NELL2: variants seen among roughly 807,000 people sequenced by gnomAD.
NELL2 encodes neural EGFL like 2.
A neutral mutation model predicts 109.6 loss-of-function variants in NELL2; 41 were observed. That is an observed-to-expected ratio of 0.37 (90% CI 0.29 to 0.49). The LOEUF is 0.49. Among genes scored for constraint, NELL2 ranks in the 20% least tolerant of loss-of-function variants. The pLI, the probability that NELL2 is intolerant of heterozygous loss-of-function variation, is 0.98. For synonymous variants in NELL2, 355 were observed against 344.7 expected (o/e 1.03, Z -0.33); for missense variants, 900 against 1,008.3 (o/e 0.89, Z 1.45).
At chr12:44,747,304 T>TG (rs1940423854) in intron 9 of NELL2, among the ~76,000 whole-genome samples, 1 of 139,932 alleles carries the variant, frequency 7.1e-6, no homozygotes, top group Non-Finnish European at 1.5e-5. Flanking sequence ...TGTTGTAAGG[T>TG]GGGGGAAGGG....
At chr12:44,766,517 A>G (rs972781415) in intron 9 of NELL2, among the ~76,000 whole-genome samples, 1 of 152,202 alleles carries the variant, frequency 6.6e-6, no homozygotes, top group Non-Finnish European at 1.5e-5. Flanking sequence ...GCAATTTTGT[A>G]TTATCTCAAT....
intron 15 of NELL2, among the ~76,000 whole-genome samples, chr12:44,555,592 C>T (rs764970564): frequency 6.6e-6 from 1 of 152,274 alleles, no homozygotes; most frequent in South Asian, 2.1e-4. Flanking sequence ...ACACTGGAGT[C>T]TCAGAATTGA....
intron 9 of NELL2, among the ~76,000 whole-genome samples, chr12:44,763,070 T>A (rs1311193847): frequency 6.6e-6 from 1 of 152,220 alleles, no homozygotes; most frequent in Non-Finnish European, 1.5e-5. Flanking sequence ...CCATTTCATA[T>A]TCTACTGATT....
At chr12:44,848,839 G>A (rs1477847513) in intron 2 of NELL2, among the ~76,000 whole-genome samples, 2 of 152,146 alleles carry the variant, frequency 1.3e-5, no homozygotes, top group Admixed American at 6.6e-5. Context: ...AGGGTCACAA[G>A]CCAGTAACCC....
At chr12:44,811,293 G>T in intron 3 of NELL2, among the ~76,000 whole-genome samples, 1 of 122,176 alleles carries the variant, frequency 8.2e-6, no homozygotes, top group Admixed American at 1.0e-4. Context: ...GTATACCTAT[G>T]TAACAAACCT....
At chr12:44,531,279 C>T (rs1942041496) in intron 16 of NELL2, among the ~76,000 whole-genome samples, 1 of 152,110 alleles carries the variant, frequency 6.6e-6, no homozygotes, top group South Asian at 2.1e-4. Context: ...TCTTTATGTG[C>T]ATAAATTTTT....
At chr12:44,585,484 C>T (rs1944460379) in intron 15 of NELL2, among the ~76,000 whole-genome samples, 1 of 151,912 alleles carries the variant, frequency 6.6e-6, no homozygotes, top group South Asian at 2.1e-4. Flanking sequence ...GGCCTGTAAT[C>T]CCAGCTACTC....
At chr12:44,756,506 C>T (rs1698903148) in intron 9 of NELL2, among the ~76,000 whole-genome samples, 2 of 152,082 alleles carry the variant, frequency 1.3e-5, no homozygotes, top group South Asian at 4.1e-4. Context: ...ATCACCCCTT[C>T]TCCCACCCAC....
intron 15 of NELL2, among the ~76,000 whole-genome samples, chr12:44,571,897 T>C (rs1943883990): frequency 6.6e-6 from 1 of 152,150 alleles, no homozygotes; most frequent in Non-Finnish European, 1.5e-5. Context: ...ACCATAAGAA[T>C]TTTATACTCA....
At position 44,805,437 on chromosome 12, in the gene NELL2, A is replaced by G. The variant is rs1280204467; in HGVS notation, c.335+10549T>C. Among the ~76,000 whole-genome samples, 3 of 151,924 alleles carry G rather than the reference A, an allele frequency of 2.0e-5. No individual in the cohort carries two copies. In the East Asian group the frequency reaches 5.8e-4, roughly 29 times the overall value. On this transcript the variant is annotated intron_variant, in intron 3 of 19. Coordinates refer to ENST00000429094, the MANE Select transcript of NELL2 (RefSeq NM_001145108.2). ...AAAACAGGGCCCAGAAACCGACCTC[A>G]GCATTGATGGAGATTTGAGGTGACA...
chr12:44,811,500 G>A (rs1405270350), intron 3 of NELL2, among the ~76,000 whole-genome samples: 1 of 151,958 alleles, frequency 6.6e-6, no homozygotes, highest in Non-Finnish European at 1.5e-5. Context: ...TCTGAAGTAC[G>A]TGCCGGATTT....
intron 2 of NELL2, among the ~76,000 whole-genome samples, chr12:44,864,232 A>G (rs1175366647): frequency 6.6e-6 from 1 of 152,188 alleles, no homozygotes; most frequent in African/African-American, 2.4e-5. Context: ...TTACCCTGAA[A>G]GCAAATGGAT....
rs1352870030 is a variant in NELL2, at chr12:44,776,075, T to C, written c.838A>G (p.Thr280Ala). Residue 280 changes from threonine (T) to alanine (A), a missense_variant, in exon 8 of 20, where the codon ACC (threonine) becomes GCC (alanine). Physicochemically the swap from Thr to Ala is moderately conservative, Grantham distance 58 (BLOSUM62 0). Around this residue, in one of 4 missense-constraint regions of NELL2, gnomAD observed 292 missense variants for 265.3 expected, o/e 1.10. Coordinates refer to ENST00000429094, the MANE Select transcript of NELL2 (RefSeq NM_001145108.2). ...ATCCAGGACTCAAATTCTCGGTAGG[T>C]GGTTCCCTTCATGGTGCAAGTCCTT... Reference protein sequence around the residue: ...CERTCTMKGTTYREFESWIDG... With the variant: ...CERTCTMKGTAYREFESWIDG... The C allele has an allele frequency of 2.9e-5, 46 of 1,614,028 alleles. No individual in the cohort carries two copies. The East Asian group carries it at 1.0e-3, about 36-fold the overall frequency.
intron 8 of NELL2, among the ~76,000 whole-genome samples, chr12:44,775,167 T>G (rs139213417): frequency 1.2e-3 from 173 of 148,430 alleles, no homozygotes; most frequent in African/African-American, 4.3e-3. Context: ...ATTTAAAAAA[T>G]TTAGGAACAT....
chr12:44,724,213 T>A (rs1938948626), intron 9 of NELL2, among the ~76,000 whole-genome samples: 1 of 150,448 alleles, frequency 6.6e-6, no homozygotes, highest in Non-Finnish European at 1.5e-5. Context: ...GATGTTAAAT[T>A]AAGAACAATA....
In NELL2 at chr12:44,876,084, T is replaced by G; in HGVS notation, c.-215A>C. ...CTTAGACCCTCCAATGCGCACATCA[T>G]TCCCACACGCAGGGCCGAGGCGGCA... On this transcript the variant is annotated 5_prime_UTR_variant, in exon 1 of 20. An upstream start codon of the reference 5' UTR is lost. Coordinates refer to ENST00000429094, the MANE Select transcript of NELL2 (RefSeq NM_001145108.2). 446 of 1,301,096 alleles carry G rather than the reference T, an allele frequency of 3.4e-4. No individual in the cohort carries two copies. Among genetic ancestry groups the G allele is most frequent in the East Asian group, 1.6e-3 (46 of 29,182 alleles). The allele number at this position is 1,301,096 out of a possible 1,614,324, so 80.6% of individuals were successfully genotyped here.
At chr12:44,836,401 C>T (rs1944055551) in intron 2 of NELL2, among the ~76,000 whole-genome samples, 1 of 152,216 alleles carries the variant, frequency 6.6e-6, no homozygotes, top group Non-Finnish European at 1.5e-5. Flanking sequence ...ATAGCTTGGC[C>T]TCCAGGTGAA....
At chr12:44,693,871 T>C (rs1948976426) in intron 12 of NELL2, among the ~76,000 whole-genome samples, 1 of 152,232 alleles carries the variant, frequency 6.6e-6, no homozygotes, top group Non-Finnish European at 1.5e-5. Context: ...GTAAATATGT[T>C]ACACAGATGT....
intron 15 of NELL2, among the ~76,000 whole-genome samples, chr12:44,583,211 T>C (rs2136213691): frequency 6.6e-6 from 1 of 152,316 alleles, no homozygotes; most frequent in East Asian, 1.9e-4. Context: ...TGTCAGAATC[T>C]TCAATGAATG....
Sources: allele counts gnomAD v4.1 joint callset (sites outside exome capture counted in the v4.1 genomes callset), GRCh38; gene constraint gnomAD v4.1.1; regional missense constraint gnomAD v4.1.1; transcripts MANE v1.5; gene names NCBI Gene and HGNC (gene_info 2026-07-23, HGNC 2026-07-21).